The following ZNF469 variants were observed in gnomAD, a reference collection of about 807,000 sequenced individuals.
ZNF469 encodes zinc finger protein 469.
In ZNF469, 1 loss-of-function variant was observed where a neutral mutation model predicts 1.0. The observed-to-expected ratio is 1.00, with a 90% CI of 0.35 to 4.73. The LOEUF (loss-of-function observed/expected upper bound fraction) is 4.73, where lower values mean the gene tolerates loss of function less well. Among genes scored for constraint, ZNF469 ranks in the 30% most tolerant of loss-of-function variants. The pLI is 0.16. For missense variants in ZNF469, 6,100 were observed against 5,356.3 expected (o/e 1.14, Z -4.33); for synonymous variants, 2,703 against 2,363.4 (o/e 1.14, Z -4.17).
At chr16:88,136,285 C>G in the ZNF469 span, among the ~76,000 whole-genome samples, 2 of 152,362 alleles carry the variant, frequency 1.3e-5, no homozygotes, top group South Asian at 4.1e-4. Context: ...CTCATCCCAT[C>G]TGGCCCGCCC....
Position 88,436,672 on chromosome 16 carries a change from G to A in ZNF469, c.9202G>A (p.Val3068Met), listed in dbSNP as rs771396967. Residue 3068 changes from valine (V) to methionine (M), a missense_variant, in exon 3 of 3, where the codon GTG (valine) becomes ATG (methionine). Transcript: ENST00000565624. ...CTTTCTGGGACCCTTTGAAGACCCC[G>A]TGGGTCTCCCCGGCCCCAGCTTCTT... ...LCFLGPFEDP[V>M]GLPGPSFLDF... The A allele has an allele frequency of 1.1e-5, 17 of 1,550,320 alleles. No homozygotes were observed. In the South Asian group the frequency reaches 1.4e-4, roughly 13 times the overall value.
At chr16:88,265,395 G>A in the ZNF469 span, among the ~76,000 whole-genome samples, 2 of 152,186 alleles carry the variant, frequency 1.3e-5, no homozygotes, top group Non-Finnish European at 2.9e-5. Flanking sequence ...GCTGCGGGAG[G>A]TGCTGCTAGA....
rs1289535638 is a variant in ZNF469 at position 88,431,329 on chromosome 16, A to G, written c.3859A>G (p.Thr1287Ala). ...TPKPSGSLAN[T>A]APHGSSPTPG... ...CAAGCCGTCGGGAAGCCTCGCCAAC[A>G]CGGCGCCCCACGGAAGCTCGCCAAC... The change falls in exon 3 of 3, where the codon ACG becomes GCG. Residue 1287 changes from threonine (T) to alanine (A), a missense_variant. Physicochemically the swap from Thr to Ala is moderately conservative, Grantham distance 58 (BLOSUM62 0). Transcript: ENST00000565624. The G allele has an allele frequency of 6.5e-7, 1 of 1,549,260 alleles. No individual in the cohort carries two copies. Among genetic ancestry groups the G allele is most frequent in the Non-Finnish European group, 8.7e-7 (1 of 1,146,548 alleles).
rs1905814359 is a variant in ZNF469 at position 88,427,986 on chromosome 16, A to G, written c.516A>G (p.Gln172=). 6.5e-7 allele frequency: 1 copy of G among 1,549,738 alleles called. No homozygotes were observed. Among genetic ancestry groups the G allele is most frequent in the African/African-American group, 1.4e-5 (1 of 72,982 alleles). ...CGGGCCTCCCAAGGACTGAGGCCCA[A>G]CCCGCCGCCGAAGAGCTTGGCTTCC... The part of the protein sequence containing the change: ...LRPGLPRTEA[Q]PAAEELGFHR... Residue 172 remains glutamine, a synonymous_variant, in exon 3 of 3, where the codon CAA becomes CAG. Coordinates refer to ENST00000565624, the MANE Select transcript of ZNF469 (RefSeq NM_001367624.2).
At chr16:88,323,512 TG>T in the ZNF469 span, among the ~76,000 whole-genome samples, 3 of 152,096 alleles carry the variant, frequency 2.0e-5, no homozygotes, top group Non-Finnish European at 4.4e-5. Flanking sequence ...GAAATCTCTG[TG>T]GGGTGAGAGG....
At chr16:88,120,071 C>T in the ZNF469 span, among the ~76,000 whole-genome samples, 1 of 152,180 alleles carries the variant, frequency 6.6e-6, no homozygotes, top group African/African-American at 2.4e-5. Context: ...AGGGTGGAGG[C>T]TGCACCGGGT....
the ZNF469 span, among the ~76,000 whole-genome samples, chr16:88,287,700 C>T: frequency 3.3e-5 from 5 of 152,186 alleles, no homozygotes; most frequent in African/African-American, 4.8e-5. Flanking sequence ...GTACCCTTTC[C>T]GGTCTTCATG....
At chr16:88,329,445 C>T in the ZNF469 span, among the ~76,000 whole-genome samples, 1 of 152,204 alleles carries the variant, frequency 6.6e-6, no homozygotes, top group East Asian at 1.9e-4. Flanking sequence ...CACCTCATAC[C>T]ACAGCCAAGC....
At chr16:88,352,890 C>T in the ZNF469 span, among the ~76,000 whole-genome samples, 6 of 152,316 alleles carry the variant, frequency 3.9e-5, no homozygotes, top group East Asian at 5.8e-4. Context: ...CCGAGTGAGA[C>T]GGCTCCTCCT....
At chr16:88,421,271 G>A (rs1388894862) in intron 1 of ZNF469, among the ~76,000 whole-genome samples, 4 of 152,212 alleles carry the variant, frequency 2.6e-5, no homozygotes, top group African/African-American at 7.2e-5. Flanking sequence ...GCGCTTGGCC[G>A]GCTAAAGAGG....
chr16:88,163,780 C>A, the ZNF469 span, among the ~76,000 whole-genome samples: 1 of 150,590 alleles, frequency 6.6e-6, no homozygotes, highest in South Asian at 2.1e-4. Context: ...TGGATAGATG[C>A]CTGAAAGGGT....
At chr16:88,360,266 C>A in the ZNF469 span, among the ~76,000 whole-genome samples, 1 of 152,180 alleles carries the variant, frequency 6.6e-6, no homozygotes, top group Non-Finnish European at 1.5e-5. Context: ...GTGATCCACC[C>A]ACCTCGGCCT....
the ZNF469 span, among the ~76,000 whole-genome samples, chr16:88,228,411 C>T: frequency 2.0e-5 from 3 of 152,214 alleles, no homozygotes; most frequent in Non-Finnish European, 2.9e-5. Context: ...GCACCTGCCC[C>T]GCAGGACTAC....
the ZNF469 span, among the ~76,000 whole-genome samples, chr16:88,155,418 G>A: frequency 6.6e-6 from 1 of 152,218 alleles, no homozygotes; most frequent in East Asian, 1.9e-4. Flanking sequence ...CAATTTTAGA[G>A]CATTCTTGTT....
the ZNF469 span, among the ~76,000 whole-genome samples, chr16:88,326,195 A>G: frequency 0.28 from 43,073 of 152,104 alleles, 7,069 homozygotes; most frequent in Middle Eastern, 0.44. Context: ...AGGTAATTGA[A>G]TTACGGGGGT....
At chr16:88,205,734 G>A in the ZNF469 span, among the ~76,000 whole-genome samples, 2 of 152,122 alleles carry the variant, frequency 1.3e-5, no homozygotes, top group African/African-American at 4.8e-5. The surrounding 1 kb of genome is among the most constrained non-coding windows in gnomAD (Gnocchi z 4.2). Context: ...AGAGACGCGC[G>A]ATCATTTCAG....
chr16:88,428,372 C>T lies in ZNF469; in HGVS notation c.902C>T (p.Pro301Leu), dbSNP rs1432026555. 1.3e-6 allele frequency: 2 copies of T among 1,548,806 alleles called. No homozygotes were observed. The highest frequency in any genetic ancestry group is 2.4e-5 in the East Asian group (1 of 40,902). ...DVAGHAFTNG[P>L]LVFAFHQPQG... The stretch of plus-strand genomic sequence containing the variant: ...GCTGGGCACGCATTCACCAATGGGC[C>T]ACTGGTGTTTGCCTTCCATCAGCCC... Residue 301 changes from proline to leucine, a missense_variant, in exon 3 of 3, where the codon CCA (proline) becomes CTA (leucine). Physicochemically the swap from Pro to Leu is moderately conservative, Grantham distance 98. Transcript: ENST00000565624.
chr16:88,376,523 G>A, the ZNF469 span, among the ~76,000 whole-genome samples: 17 of 152,348 alleles, frequency 1.1e-4, 1 homozygote, highest in African/African-American at 1.7e-4. Context: ...GCCGCCGCCC[G>A]TGAACGGGCC....
At chr16:88,409,156 G>A (rs1487190097) in intron 1 of ZNF469, among the ~76,000 whole-genome samples, 6 of 152,198 alleles carry the variant, frequency 3.9e-5, no homozygotes, top group East Asian at 1.9e-4. Context: ...TTGGGGGCTC[G>A]CCCACCTGTG....
Sources: gnomAD v4.1 joint callset for allele counts (sites outside exome capture counted in the v4.1 genomes callset) on GRCh38, gnomAD v4.1.1 for gene constraint, Gnocchi (gnomAD v3.1) non-coding constraint, MANE v1.5 for transcripts, NCBI Gene and HGNC (gene_info 2026-07-23, HGNC 2026-07-21) for gene names.